Variants in SGCZ observed in about 807,000 individuals in gnomAD.
The protein encoded by SGCZ is sarcoglycan zeta, also known as zeta-sarcoglycan.
SGCZ carries 40 observed loss-of-function variants against 41.3 expected under a neutral mutation model. The ratio of observed to expected loss-of-function variants is 0.97; its 90% CI spans 0.75 to 1.26. The LOEUF is 1.26. SGCZ is among the 50% of genes most tolerant of loss of function. The pLI is 0.00. For synonymous variants in SGCZ, 206 were observed against 137.5 expected, an observed-to-expected ratio of 1.50 and a Z score of -3.49; for missense variants, 552 against 369.8, an observed-to-expected ratio of 1.49 and a Z score of -4.04.
intron 2 of SGCZ, among the ~76,000 whole-genome samples, chr8:14,427,919 G>C (rs1799832004): frequency 2.0e-5 from 3 of 151,954 alleles, no homozygotes; most frequent in South Asian, 4.2e-4. Flanking sequence ...CATTTACATA[G>C]CACTTACATT....
At chr8:15,009,990 G>A (rs142783531) in intron 1 of SGCZ, among the ~76,000 whole-genome samples, 225 of 152,134 alleles carry the variant, frequency 1.5e-3, no homozygotes, top group Middle Eastern at 3.4e-3. Flanking sequence ...CAAAGAGTCC[G>A]CTGCTTTAAG....
At chr8:14,341,607 C>T (rs1436152967) in intron 2 of SGCZ, among the ~76,000 whole-genome samples, 7 of 152,078 alleles carry the variant, frequency 4.6e-5, no homozygotes, top group African/African-American at 1.7e-4. Context: ...TATGGTTTGG[C>T]TGTGTCCCCT....
At position 14,250,589 on chromosome 8, in the gene SGCZ, G is replaced by C. The variant is rs554391667; in HGVS notation, c.337-12910C>G. Among the ~76,000 whole-genome samples, 17 of 152,156 alleles carry C rather than the reference G, an allele frequency of 1.1e-4. 1 individual carries two copies. The South Asian group carries it at 2.9e-3, about 26-fold the overall frequency. ...ATGGAACCACACATGAAAAGAATAG[G>C]GGTCTCCATATATCTGCATGGATCA... On this transcript the variant is annotated intron_variant, in intron 3 of 7. Coordinates refer to ENST00000382080, the MANE Select transcript of SGCZ (RefSeq NM_139167.4).
chr8:15,079,462 T>C (rs1376052753), intron 1 of SGCZ, among the ~76,000 whole-genome samples: 2 of 152,200 alleles, frequency 1.3e-5, no homozygotes, highest in Non-Finnish European at 1.5e-5. Context: ...GATGAAATTA[T>C]TTTTTCTGGC....
At chr8:14,363,502 G>T (rs1270133949) in intron 2 of SGCZ, among the ~76,000 whole-genome samples, 1 of 152,098 alleles carries the variant, frequency 6.6e-6, no homozygotes, top group African/African-American at 2.4e-5. Flanking sequence ...AAGGGTATTT[G>T]CATCCAGATG....
chr8:14,965,753 A>G (rs1007222060), intron 1 of SGCZ, among the ~76,000 whole-genome samples: 1 of 152,194 alleles, frequency 6.6e-6, no homozygotes, highest in African/African-American at 2.4e-5. Flanking sequence ...TTTCCTATGT[A>G]TAATATTTTA....
chr8:14,155,137 G>A (rs1443258772), intron 5 of SGCZ, among the ~76,000 whole-genome samples: 1 of 152,138 alleles, frequency 6.6e-6, no homozygotes. Context: ...AGAATCACGT[G>A]GTATACACAG....
chr8:14,616,746 C>T (rs1806118746), intron 1 of SGCZ, among the ~76,000 whole-genome samples: 1 of 152,154 alleles, frequency 6.6e-6, no homozygotes, highest in Non-Finnish European at 1.5e-5. Flanking sequence ...AATTTAAAAC[C>T]TTGAAAATAA....
intron 3 of SGCZ, among the ~76,000 whole-genome samples, chr8:14,268,353 A>G (rs182299581): frequency 0.013 from 1,758 of 135,746 alleles, 28 homozygotes; most frequent in African/African-American, 0.04. Flanking sequence ...AAAAATATAT[A>G]TGTGTATATA....
At chr8:14,219,379 C>A (rs888378038) in intron 4 of SGCZ, among the ~76,000 whole-genome samples, 1 of 152,148 alleles carries the variant, frequency 6.6e-6, no homozygotes. Context: ...TGCCTGCAGC[C>A]GGTATTGGTC....
At chr8:14,709,503 A>AT (rs1201027528) in intron 1 of SGCZ, among the ~76,000 whole-genome samples, 1 of 152,210 alleles carries the variant, frequency 6.6e-6, no homozygotes, top group African/African-American at 2.4e-5. Context: ...CTTGGAGGAG[A>AT]TATCACCCTT....
chr8:15,041,077 C>G (rs1305908615), intron 1 of SGCZ, among the ~76,000 whole-genome samples: 1 of 151,692 alleles, frequency 6.6e-6, no homozygotes, highest in African/African-American at 2.4e-5. Flanking sequence ...TAATATAATA[C>G]TAAAACATAT....
intron 1 of SGCZ, among the ~76,000 whole-genome samples, chr8:14,782,557 T>A (rs377270891): frequency 3.2e-4 from 49 of 152,274 alleles, no homozygotes; most frequent in African/African-American, 1.1e-3. Context: ...GAATTAACCA[T>A]CTGGAACCAC....
chr8:14,132,920 C>G (rs1047393046), intron 5 of SGCZ, among the ~76,000 whole-genome samples: 2 of 152,114 alleles, frequency 1.3e-5, no homozygotes, highest in Non-Finnish European at 2.9e-5. Context: ...GACTGAAATT[C>G]GCTTTGTGTG....
chr8:14,431,053 T>G (rs10089973), intron 2 of SGCZ, among the ~76,000 whole-genome samples: 2,772 of 152,186 alleles, frequency 0.018, 47 homozygotes, highest in African/African-American at 0.048. Context: ...ATGTCACAAA[T>G]TGAAACACAT....
At chr8:14,913,157 C>G (rs1448749427) in intron 1 of SGCZ, among the ~76,000 whole-genome samples, 1 of 151,908 alleles carries the variant, frequency 6.6e-6, no homozygotes, top group Non-Finnish European at 1.5e-5. Flanking sequence ...GAATGAAAAA[C>G]AGAAAATCTC....
chr8:14,538,807 G>A, intron 2 of SGCZ, among the ~76,000 whole-genome samples: 1 of 151,792 alleles, frequency 6.6e-6, no homozygotes, highest in East Asian at 1.9e-4. Context: ...TATCTGTTAG[G>A]CAATGAAGAG....
chr8:14,345,382 T>C (rs1248631973), intron 2 of SGCZ, among the ~76,000 whole-genome samples: 2 of 152,134 alleles, frequency 1.3e-5, no homozygotes, highest in East Asian at 1.9e-4. Flanking sequence ...AATTCTGGGA[T>C]ATATGTATGT....
intron 1 of SGCZ, among the ~76,000 whole-genome samples, chr8:14,702,434 C>T (rs1317204573): frequency 6.6e-6 from 1 of 151,842 alleles, no homozygotes; most frequent in Non-Finnish European, 1.5e-5. Flanking sequence ...ATTATATCTA[C>T]GACTAAATAG....
Sources: allele counts gnomAD v4.1 joint callset (sites outside exome capture counted in the v4.1 genomes callset), GRCh38; gene constraint gnomAD v4.1.1; transcripts MANE v1.5; gene names NCBI Gene and HGNC (gene_info 2026-07-23, HGNC 2026-07-21).